Variants in LRRC37A2 observed in about 807,000 individuals in gnomAD.
LRRC37A2 encodes the protein leucine-rich repeat-containing protein 37A2.
A neutral mutation model predicts 68.8 loss-of-function variants in LRRC37A2; 9 were observed. That is an observed-to-expected ratio of 0.13 (90% CI 0.08 to 0.23). The LOEUF is 0.23. Ranked by LOEUF, LRRC37A2 falls within the 10% of genes least tolerant of loss-of-function variation. LRRC37A2 has a pLI of 1.00. For synonymous variants in LRRC37A2, 63 were observed against 367.6 expected (o/e 0.17, Z 9.48); for missense variants, 168 against 950.4 (o/e 0.18, Z 10.82).
the LRRC37A2 span, chr17:46,875,068 C>T: frequency 6.2e-7 from 1 of 1,613,430 alleles, no homozygotes; most frequent in Non-Finnish European, 8.5e-7. Context: ...TCCCCCTTTC[C>T]TCCCTCCCTA....
At chr17:46,980,545 G>A in the LRRC37A2 span, among the ~76,000 whole-genome samples, 1 of 151,606 alleles carries the variant, frequency 6.6e-6, no homozygotes, top group East Asian at 1.9e-4. Context: ...AAAGTAGGCC[G>A]GGCGCGGTGG....
chr17:46,635,243 T>C, the LRRC37A2 span, among the ~76,000 whole-genome samples: 1 of 142,748 alleles, frequency 7.0e-6, no homozygotes, highest in African/African-American at 2.6e-5. Context: ...CAGGTGGATT[T>C]CTTTGAAATG....
the LRRC37A2 span, chr17:46,714,032 G>A: frequency 2.6e-6 from 4 of 1,563,906 alleles, no homozygotes; most frequent in Non-Finnish European, 3.5e-6. Context: ...TCTTAAATGT[G>A]TGTGTGTGTG....
chr17:46,972,694 T>C, the LRRC37A2 span, among the ~76,000 whole-genome samples: 1 of 152,204 alleles, frequency 6.6e-6, no homozygotes, highest in Non-Finnish European at 1.5e-5. Flanking sequence ...ACAGCTGCTC[T>C]GTAGCCCCAA....
the LRRC37A2 span, among the ~76,000 whole-genome samples, chr17:47,006,285 T>G: frequency 1.3e-5 from 2 of 152,164 alleles, no homozygotes; most frequent in South Asian, 2.1e-4. Flanking sequence ...GCCCTGAAAT[T>G]TAGAGAACTC....
chr17:47,039,102 T>C, the LRRC37A2 span, among the ~76,000 whole-genome samples: 1 of 151,648 alleles, frequency 6.6e-6, no homozygotes, highest in African/African-American at 2.4e-5. Flanking sequence ...TTAATTTCTC[T>C]TCAATTTCAA....
chr17:46,983,120 T>C, the LRRC37A2 span, among the ~76,000 whole-genome samples: 1 of 152,078 alleles, frequency 6.6e-6, no homozygotes, highest in Non-Finnish European at 1.5e-5. Context: ...GTTGGCTTCC[T>C]GGGCTGGTGC....
chr17:46,884,329 G>GGA, the LRRC37A2 span, among the ~76,000 whole-genome samples: 1 of 152,194 alleles, frequency 6.6e-6, no homozygotes, highest in Non-Finnish European at 1.5e-5. Flanking sequence ...CCCAGAGGCG[G>GGA]GAGATGTCAG....
chr17:46,888,751 C>T, the LRRC37A2 span, among the ~76,000 whole-genome samples: 1 of 152,080 alleles, frequency 6.6e-6, no homozygotes, highest in Non-Finnish European at 1.5e-5. Flanking sequence ...TGCCCCAGAC[C>T]CAAGGCAGCA....
chr17:46,988,108 G>A, the LRRC37A2 span, among the ~76,000 whole-genome samples: 1 of 152,358 alleles, frequency 6.6e-6, no homozygotes, highest in Non-Finnish European at 1.5e-5. Flanking sequence ...GGAGGTGGAT[G>A]TTGCAGTGAG....
the LRRC37A2 span, among the ~76,000 whole-genome samples, chr17:46,887,769 G>C: frequency 6.7e-6 from 1 of 148,488 alleles, no homozygotes; most frequent in Non-Finnish European, 1.5e-5. Context: ...CTGTCCAAAA[G>C]AAAGAAAGAA....
At chr17:46,755,510 C>T in the LRRC37A2 span, 1 of 790,192 alleles carries the variant, frequency 1.3e-6, no homozygotes, top group Non-Finnish European at 2.1e-6. Context: ...TCCGAGAGAC[C>T]AAGCAAGGAA....
the LRRC37A2 span, among the ~76,000 whole-genome samples, chr17:47,016,141 C>T: frequency 5.3e-5 from 8 of 152,180 alleles, no homozygotes; most frequent in African/African-American, 1.9e-4. Context: ...GATGGAGTTT[C>T]ACCATGTTGG....
chr17:46,878,249 C>T, the LRRC37A2 span, among the ~76,000 whole-genome samples: 3 of 152,242 alleles, frequency 2.0e-5, no homozygotes, highest in East Asian at 1.9e-4. Flanking sequence ...TTCCTTTCTC[C>T]CTAAACCTAG....
At chr17:46,784,868 C>T in the LRRC37A2 span, among the ~76,000 whole-genome samples, 1 of 151,424 alleles carries the variant, frequency 6.6e-6, no homozygotes, top group Admixed American at 6.6e-5. Flanking sequence ...CTCCACCTCC[C>T]GGGTTCACGC....
chr17:46,897,420 C>A, the LRRC37A2 span, among the ~76,000 whole-genome samples: 179 of 152,218 alleles, frequency 1.2e-3, 2 homozygotes, highest in Non-Finnish European at 2.0e-3. Context: ...CATCTGGAAC[C>A]ACTTGGACCA....
At chr17:46,995,490 G>A in the LRRC37A2 span, among the ~76,000 whole-genome samples, 139,598 of 152,238 alleles carry the variant, frequency 0.92, 64,410 homozygotes, top group East Asian at 0.99. Flanking sequence ...GGCCAAAAAA[G>A]TGTAAATAAA....
the LRRC37A2 span, among the ~76,000 whole-genome samples, chr17:46,728,480 C>T: frequency 6.6e-6 from 1 of 151,626 alleles, no homozygotes; most frequent in Non-Finnish European, 1.5e-5. Context: ...TTTATAGAGC[C>T]GAGTACAGTG....
the LRRC37A2 span, among the ~76,000 whole-genome samples, chr17:47,045,015 TAAACAAAAG>T: frequency 1.4e-3 from 208 of 150,260 alleles, no homozygotes; most frequent in African/African-American, 4.6e-3. Context: ...GGCCTCAAAA[TAAACAAAAG>T]AAACACCTTT....
Sources: gnomAD v4.1 joint callset for allele counts (sites outside exome capture counted in the v4.1 genomes callset) on GRCh38, gnomAD v4.1.1 for gene constraint, MANE v1.5 for transcripts, NCBI Gene and HGNC (gene_info 2026-07-23, HGNC 2026-07-21) for gene names.